Variants in TCEA2 observed in about 807,000 individuals in gnomAD.
TCEA2 encodes transcription elongation factor A2.
TCEA2 carries 21 observed loss-of-function variants against 40.8 expected under a neutral mutation model. The ratio of observed to expected loss-of-function variants is 0.51; its 90% CI spans 0.36 to 0.74. TCEA2 has a LOEUF of 0.74. Ranked by LOEUF, TCEA2 falls within the 30% of genes least tolerant of loss-of-function variation. The probability of loss-of-function intolerance (pLI) is 0.00; values close to 1 mark genes in which losing one functional copy is unlikely to be tolerated. For synonymous variants in TCEA2, 165 were observed against 162.7 expected (o/e 1.01, Z -0.11); for missense variants, 326 against 426.5 (o/e 0.76, Z 2.08).
chr20:64,066,038 A>G (rs528631204), intron 1 of TCEA2: 1 of 161,354 alleles, frequency 6.2e-6, no homozygotes, highest in African/African-American at 2.4e-5. Context: ...CAGGGCATCA[A>G]GACACAGGGG....
rs1601590279 is a variant in TCEA2 at position 64,066,824 on chromosome 20, T to G, written c.136-91T>G. On this transcript the variant is annotated intron_variant, in intron 2 of 9. Transcript: ENST00000343484. ...ACCTCCCTGGGAGGTCCCGGGCTCCTGTCCTGTGGGGGCCACCAAGGCTCT... is the reference window on the plus strand; with the variant it reads ...ACCTCCCTGGGAGGTCCCGGGCTCCGGTCCTGTGGGGGCCACCAAGGCTCT... 3 of 1,318,790 alleles carry G rather than the reference T, an allele frequency of 2.3e-6. No homozygotes were observed. The East Asian group carries it at 7.5e-5, about 33-fold the overall frequency. 81.7% of individuals were successfully genotyped at this position (1,318,790 alleles called of 1,614,324 possible).
At position 64,071,860 on chromosome 20, in the gene TCEA2, CT is replaced by C. The variant is rs2059847523; in HGVS notation, c.820-9del. 6.2e-7 allele frequency: 1 copy of C among 1,613,836 alleles called. No individual in the cohort carries two copies. Among genetic ancestry groups the C allele is most frequent in the Admixed American group, 1.7e-5 (1 of 60,000 alleles). On this transcript the variant is annotated splice_polypyrimidine_tract_variant and intron_variant, in intron 8 of 9. Coordinates refer to ENST00000343484, the MANE Select transcript of TCEA2 (RefSeq NM_003195.6). ...GAGGTGACCCTGGGTTCACCCAGCC[CT>C]GTTCACAGGTGCAGACCCGCAGCTC...
At chr20:64,066,193 A>C (rs959262150) in intron 1 of TCEA2, 1 of 349,012 alleles carries the variant, frequency 2.9e-6, no homozygotes. Context: ...GTTACAACGA[A>C]GTCAGTGAGG....
At position 64,072,257 on chromosome 20, in the gene TCEA2, C is replaced by G. The variant is rs553293253; in HGVS notation, c.*77C>G. On this transcript the variant is annotated 3_prime_UTR_variant, in exon 10 of 10. Transcript: ENST00000343484. ...CGTTGACACAGCTTCTCTGGAGACC[C>G]TAGAAGGCGGCATGTCCTGCCCTCA... 2 of 1,539,602 alleles carry G rather than the reference C, an allele frequency of 1.3e-6. No homozygotes were observed. Among genetic ancestry groups the G allele is most frequent in the South Asian group, 2.3e-5 (2 of 86,796 alleles).
intron 1 of TCEA2, chr20:64,063,775 C>T (rs80067828): frequency 0.21 from 44,286 of 207,134 alleles, 4,976 homozygotes; most frequent in African/African-American, 0.24. Context: ...CCGGGGTGTT[C>T]GGGCCTCCTC....
rs756224886 is a variant in TCEA2, at chr20:64,066,546, C to T, written c.135+8C>T. The T allele has an allele frequency of 1.9e-6, 3 of 1,612,956 alleles. No homozygotes were observed. The highest frequency in any genetic ancestry group is 1.1e-5 in the South Asian group (1 of 91,056). Reference sequence around the variant, plus strand: ...ACGCTGCACCTGCTCCAGGTAGGTCCCTGCCTGCCCCAGGTCCAGGACAGC... The same window carrying T: ...ACGCTGCACCTGCTCCAGGTAGGTCTCTGCCTGCCCCAGGTCCAGGACAGC... On this transcript the variant is annotated splice_region_variant and intron_variant, in intron 2 of 9. Coordinates refer to ENST00000343484, the MANE Select transcript of TCEA2 (RefSeq NM_003195.6).
At chr20:64,071,968 T>C (rs549483614) in intron 9 of TCEA2, 27 bp downstream of exon 9, 2 of 1,613,550 alleles carry the variant, frequency 1.2e-6, no homozygotes, top group South Asian at 2.2e-5. Context: ...AGGCTGCCCC[T>C]CCCAGCTCCA....
upstream of TCEA2, among the ~76,000 whole-genome samples, chr20:64,055,876 G>A (rs775089090): frequency 1.3e-5 from 2 of 152,092 alleles, no homozygotes; most frequent in Non-Finnish European, 2.9e-5. The surrounding 1 kb of genome is among the most constrained non-coding windows in gnomAD (Gnocchi z 4.0). Context: ...GGAGGCCTGG[G>A]CCCCTGGGAG....
intron 1 of TCEA2, chr20:64,064,214 G>A (rs1421866434): frequency 1.3e-5 from 2 of 152,282 alleles, no homozygotes; most frequent in Non-Finnish European, 2.9e-5. Context: ...GAGCCAGGAG[G>A]TCGGGCAAGC....
intron 1 of TCEA2, among the ~76,000 whole-genome samples, chr20:64,065,139 G>GT (rs973520742): frequency 2.0e-5 from 3 of 152,212 alleles, no homozygotes; most frequent in African/African-American, 4.8e-5. Flanking sequence ...AGGTGTGGGG[G>GT]TTTTTTTGCC....
upstream of TCEA2, among the ~76,000 whole-genome samples, chr20:64,062,217 T>C (rs2059580466): frequency 6.6e-6 from 1 of 152,192 alleles, no homozygotes. Context: ...TCCCCCAGGA[T>C]TGTGCCCTCT....
Position 64,068,113 on chromosome 20 carries a change from C to A in TCEA2, c.308C>A (p.Ala103Asp), listed in dbSNP as rs2059738893. 1 of 1,609,066 alleles carries A rather than the reference C, an allele frequency of 6.2e-7. No homozygotes were observed. Reference protein sequence around the residue: ...GMPLPTSSRDASEAPDPSRKR... With the variant: ...GMPLPTSSRDDSEAPDPSRKR... The stretch of plus-strand genomic sequence containing the variant: ...CCTCTGCCCACGTCCTCGAGGGATG[C>A]CTCAGAGGCCCCGGATCCCAGGTAG... The change falls in exon 4 of 10, where the codon GCC (alanine) becomes GAC (aspartate). Residue 103 changes from alanine (A) to aspartate (D), a missense_variant. Ala to Asp is a moderately radical substitution (Grantham distance 126, BLOSUM62 -2). Transcript: ENST00000343484.
chr20:64,064,824 T>C (rs1242401901), intron 1 of TCEA2, among the ~76,000 whole-genome samples: 1 of 151,882 alleles, frequency 6.6e-6, no homozygotes, highest in East Asian at 1.9e-4. Context: ...AAAGTAGGGG[T>C]CTGCGAACCA....
At chr20:64,061,610 C>G (rs1196203458), upstream of TCEA2, among the ~76,000 whole-genome samples, 1 of 151,918 alleles carries the variant, frequency 6.6e-6, no homozygotes, top group East Asian at 2.0e-4. Flanking sequence ...AGGGTTTCAC[C>G]ATGTTGGCCA....
chr20:64,058,477 G>A (rs774790975), upstream of TCEA2, among the ~76,000 whole-genome samples: 34 of 152,186 alleles, frequency 2.2e-4, no homozygotes, highest in Admixed American at 6.5e-4. This position sits in a 1 kb window ranked among gnomAD's most constrained non-coding sequence, Gnocchi z 6.7. Context: ...GCCATGCCCA[G>A]GGCCCCAGGA....
At chr20:64,060,836 C>CTGGA (rs1202391078), upstream of TCEA2, among the ~76,000 whole-genome samples, 1 of 152,104 alleles carries the variant, frequency 6.6e-6, no homozygotes, top group Non-Finnish European at 1.5e-5. Flanking sequence ...TGTTGCCAGG[C>CTGGA]TGGAGTGCAG....
intron 9 of TCEA2, 29 bp downstream of exon 9, chr20:64,071,970 C>T: frequency 6.2e-7 from 1 of 1,613,466 alleles, no homozygotes; most frequent in Non-Finnish European, 8.5e-7. Context: ...GCTGCCCCTC[C>T]CAGCTCCATT....
At chr20:64,056,601 G>A (rs747087436), upstream of TCEA2, among the ~76,000 whole-genome samples, 18 of 152,248 alleles carry the variant, frequency 1.2e-4, no homozygotes, top group South Asian at 1.2e-3. Context: ...GGGGGGCTCC[G>A]TGTGAGTTTG....
chr20:64,070,753 C>T (rs2059809921), intron 8 of TCEA2, 118 bp downstream of exon 8: 5 of 1,377,180 alleles, frequency 3.6e-6, no homozygotes, highest in Non-Finnish European at 4.8e-6. Flanking sequence ...GCCTCTCAGT[C>T]CCTGAGTAGG....
Sources: gnomAD v4.1 joint callset for allele counts (sites outside exome capture counted in the v4.1 genomes callset) on GRCh38, gnomAD v4.1.1 for gene constraint, Gnocchi (gnomAD v3.1) non-coding constraint, MANE v1.5 for transcripts, NCBI Gene and HGNC (gene_info 2026-07-23, HGNC 2026-07-21) for gene names.